TMEM132D: variants seen among roughly 807,000 people sequenced by gnomAD.
TMEM132D encodes the protein transmembrane protein 132D, also known as mature OL transmembrane protein.
TMEM132D carries 21 observed loss-of-function variants against 62.3 expected under a neutral mutation model. The observed-to-expected ratio is 0.34, with a 90% CI of 0.24 to 0.49. TMEM132D has a LOEUF of 0.49. Ranked by LOEUF, TMEM132D falls within the 20% of genes least tolerant of loss-of-function variation. The pLI is 0.99. For synonymous variants in TMEM132D, 621 were observed against 575.6 expected (o/e 1.08, Z -1.13); for missense variants, 1,346 against 1,402.8 (o/e 0.96, Z 0.65).
chr12:129,300,708 T>C (rs78655148), intron 4 of TMEM132D, among the ~76,000 whole-genome samples: 30 of 152,342 alleles, frequency 2.0e-4, no homozygotes, highest in African/African-American at 7.0e-4. Context: ...GCTTTGGACA[T>C]TAACATTTGC....
At chr12:129,638,313 C>T (rs530780000) in intron 2 of TMEM132D, among the ~76,000 whole-genome samples, 3 of 152,108 alleles carry the variant, frequency 2.0e-5, no homozygotes, top group African/African-American at 7.2e-5. Flanking sequence ...CACCTCCAAC[C>T]TTTACCCCCA....
chr12:129,859,250 C>G (rs938225479), intron 1 of TMEM132D, among the ~76,000 whole-genome samples: 1 of 152,208 alleles, frequency 6.6e-6, no homozygotes, highest in Non-Finnish European at 1.5e-5. Context: ...GAACCATAGA[C>G]ATAGACCCCT....
At chr12:129,617,219 C>T (rs1241338195) in intron 2 of TMEM132D, among the ~76,000 whole-genome samples, 1 of 152,206 alleles carries the variant, frequency 6.6e-6, no homozygotes, top group Non-Finnish European at 1.5e-5. Context: ...TTCAGAACCA[C>T]TGGCTTTGCT....
At chr12:129,687,484 T>C (rs1234514200) in intron 2 of TMEM132D, among the ~76,000 whole-genome samples, 2 of 151,930 alleles carry the variant, frequency 1.3e-5, no homozygotes, top group Non-Finnish European at 2.9e-5. Flanking sequence ...CTGATCTTGG[T>C]GGGAGGGTGA....
chr12:129,291,609 G>A (rs1283852799), intron 4 of TMEM132D, among the ~76,000 whole-genome samples: 1 of 152,178 alleles, frequency 6.6e-6, no homozygotes, highest in Non-Finnish European at 1.5e-5. Flanking sequence ...TTGGAACACA[G>A]GCTATGAAAT....
chr12:129,106,884 TG>T (rs760286715), intron 5 of TMEM132D, among the ~76,000 whole-genome samples: 4 of 152,196 alleles, frequency 2.6e-5, no homozygotes, highest in Non-Finnish European at 5.9e-5. Flanking sequence ...CGTCACTGCA[TG>T]GGGAATGCCT....
intron 4 of TMEM132D, among the ~76,000 whole-genome samples, chr12:129,268,164 CA>C (rs1217652859): frequency 2.0e-5 from 3 of 152,080 alleles, no homozygotes; most frequent in African/African-American, 4.8e-5. Flanking sequence ...CAATGGCAAC[CA>C]AAGCCAAAAT....
intron 3 of TMEM132D, among the ~76,000 whole-genome samples, chr12:129,526,979 T>C (rs1876064587): frequency 6.6e-6 from 1 of 152,240 alleles, no homozygotes; most frequent in African/African-American, 2.4e-5. Context: ...AAAAAACTTC[T>C]GTCTTGTTTA....
chr12:129,669,345 C>A (rs1880448573), intron 2 of TMEM132D, among the ~76,000 whole-genome samples: 3 of 152,134 alleles, frequency 2.0e-5, no homozygotes, highest in Non-Finnish European at 2.9e-5. Flanking sequence ...GAAGTTCAGA[C>A]TAAATCCTAA....
chr12:129,322,407 C>T (rs964836121), intron 4 of TMEM132D, among the ~76,000 whole-genome samples: 1 of 152,224 alleles, frequency 6.6e-6, no homozygotes, highest in African/African-American at 2.4e-5. Flanking sequence ...GGCCATTTCT[C>T]TTGATGGTAG....
intron 4 of TMEM132D, among the ~76,000 whole-genome samples, chr12:129,253,122 C>T (rs897609410): frequency 2.0e-5 from 3 of 150,808 alleles, no homozygotes; most frequent in African/African-American, 7.3e-5. Context: ...AGCACACCAA[C>T]ATGGCACATG....
intron 2 of TMEM132D, among the ~76,000 whole-genome samples, chr12:129,613,455 GAAGAT>G (rs748104231): frequency 4.6e-5 from 7 of 152,182 alleles, no homozygotes; most frequent in Non-Finnish European, 1.0e-4. Context: ...TGTGATTGGG[GAAGAT>G]AAGACTGGAG....
chr12:129,140,621 G>A (rs578097224), intron 5 of TMEM132D, among the ~76,000 whole-genome samples: 110 of 152,160 alleles, frequency 7.2e-4, no homozygotes, highest in African/African-American at 2.5e-3. Context: ...GGCGGATCAC[G>A]TAAGATCAGG....
intron 4 of TMEM132D, among the ~76,000 whole-genome samples, chr12:129,322,608 CAGGA>C (rs950793821): frequency 1.3e-5 from 2 of 151,912 alleles, no homozygotes; most frequent in Non-Finnish European, 2.9e-5. Flanking sequence ...CCTTTAAATC[CAGGA>C]AGGATTTTTT....
chr12:129,185,995 G>C (rs1878213909), intron 5 of TMEM132D, among the ~76,000 whole-genome samples: 1 of 152,120 alleles, frequency 6.6e-6, no homozygotes, highest in Admixed American at 6.5e-5. Context: ...TACTTTCTCA[G>C]ATCTGCTGGA....
intron 1 of TMEM132D, among the ~76,000 whole-genome samples, chr12:129,816,161 C>T (rs1046221097): frequency 1.1e-4 from 16 of 152,052 alleles, no homozygotes; most frequent in South Asian, 2.1e-4. Context: ...TTCCTAGTTC[C>T]AGTTCAACAC....
At chr12:129,678,327 G>A (rs529341811) in intron 2 of TMEM132D, among the ~76,000 whole-genome samples, 27 of 152,166 alleles carry the variant, frequency 1.8e-4, no homozygotes, top group Non-Finnish European at 3.1e-4. Flanking sequence ...TTATCAGATT[G>A]CTTAATTTTG....
rs893265953 is a variant in TMEM132D at position 129,369,232 on chromosome 12, T to G, written c.1116-31415A>C. Among the ~76,000 whole-genome samples, 3 of 152,136 alleles carry G rather than the reference T, an allele frequency of 2.0e-5. 1 individual carries two copies. The highest frequency in any genetic ancestry group is 7.2e-5 in the African/African-American group (3 of 41,424). ...GTGTCTGTGTGCAGACCTGCCAAAA[T>G]ACAGGAAACAAAGCTGGGAAAATAA... On this transcript the variant is annotated intron_variant, in intron 3 of 8. Coordinates refer to ENST00000422113, the MANE Select transcript of TMEM132D (RefSeq NM_133448.3).
chr12:129,491,356 CA>C (rs996910534), intron 3 of TMEM132D, among the ~76,000 whole-genome samples: 2 of 152,168 alleles, frequency 1.3e-5, no homozygotes, highest in Admixed American at 1.3e-4. Context: ...GGCTGTTCAC[CA>C]AAAACCATTT....
Sources: allele counts gnomAD v4.1 joint callset (sites outside exome capture counted in the v4.1 genomes callset), GRCh38; gene constraint gnomAD v4.1.1; transcripts MANE v1.5; gene names NCBI Gene and HGNC (gene_info 2026-07-23, HGNC 2026-07-21).